Variants in PTK2 observed in about 807,000 individuals in gnomAD.
The protein encoded by PTK2 is focal adhesion kinase 1.
Under a neutral mutation model 150.1 loss-of-function variants are expected in PTK2, and 45 were observed. The observed-to-expected ratio is 0.30, with a 90% CI of 0.24 to 0.38. The LOEUF (loss-of-function observed/expected upper bound fraction) is 0.38. PTK2 is among the 10% of genes least tolerant of loss of function. The pLI is 1.00. For synonymous variants in PTK2, 432 were observed against 449.2 expected, an observed-to-expected ratio of 0.96 and a Z score of 0.48; for missense variants, 919 against 1,307.3, an observed-to-expected ratio of 0.70 and a Z score of 4.58.
chr8:140,955,972 T>A lies in PTK2; in HGVS notation c.-121-30223A>T, dbSNP rs374488135. ...GGGGGCTCTCTGGAAAAGGAGAGCA[T>A]CCTTAGACAGAAGTCACCCTGCCCA... On this transcript the variant is annotated intron_variant, in intron 1 of 31. Coordinates refer to ENST00000522684, the Ensembl canonical transcript of PTK2. 3.5e-4 allele frequency among the ~76,000 whole-genome samples: 53 copies of A among 152,234 alleles called. 3 individuals are homozygous for A. Among genetic ancestry groups the A allele is most frequent in the African/African-American group, 1.3e-3 (52 of 41,534 alleles).
intron 23 of PTK2, among the ~76,000 whole-genome samples, chr8:140,714,048 T>C (rs1036208090): frequency 1.3e-5 from 2 of 151,822 alleles, no homozygotes; most frequent in African/African-American, 2.4e-5. Flanking sequence ...GCCACTAAAT[T>C]TGGCTAATTT....
chr8:140,845,089 C>G (rs1352372023), intron 7 of PTK2, among the ~76,000 whole-genome samples: 1 of 152,200 alleles, frequency 6.6e-6, no homozygotes, highest in East Asian at 1.9e-4. Context: ...CCTCATCATT[C>G]TCACATGGAC....
intron 17 of PTK2, among the ~76,000 whole-genome samples, chr8:140,749,902 C>T (rs563348515): frequency 7.2e-5 from 11 of 152,230 alleles, no homozygotes; most frequent in African/African-American, 2.6e-4. Flanking sequence ...AATGACAATT[C>T]CAAAGTCCTA....
chr8:140,688,225 C>G (rs1209250961), intron 26 of PTK2, among the ~76,000 whole-genome samples: 1 of 152,152 alleles, frequency 6.6e-6, no homozygotes, highest in East Asian at 1.9e-4. Context: ...GTTCATTCAA[C>G]AGAATTACAA....
chr8:140,764,467 A>T, intron 14 of PTK2, 177 bp from the exon 17 acceptor site: 1 of 597,544 alleles, frequency 1.7e-6, no homozygotes, highest in Non-Finnish European at 3.0e-6. Context: ...TAAAAGTGAC[A>T]TCATTGTCCA....
At chr8:140,935,327 T>A (rs2100173224) in intron 1 of PTK2, among the ~76,000 whole-genome samples, 1 of 152,106 alleles carries the variant, frequency 6.6e-6, no homozygotes, top group Non-Finnish European at 1.5e-5. Flanking sequence ...GAATCAGGAT[T>A]ACAATTCACT....
intron 1 of PTK2, among the ~76,000 whole-genome samples, chr8:140,945,427 AT>A (rs1247342039): frequency 6.6e-6 from 1 of 152,130 alleles, no homozygotes; most frequent in South Asian, 2.1e-4. Context: ...TCCACAAAAA[AT>A]TTTAAAAATT....
chr8:140,664,216 T>G (rs11778357), intron 31 of PTK2, among the ~76,000 whole-genome samples: 248 of 152,302 alleles, frequency 1.6e-3, no homozygotes, highest in Non-Finnish European at 2.8e-3. Flanking sequence ...TCTCTTGACC[T>G]CGTGATCTGT....
chr8:140,764,358 A>G (rs755492925), intron 14 of PTK2, 68 bp from the exon 17 acceptor site: 1 of 1,168,774 alleles, frequency 8.6e-7, no homozygotes. Flanking sequence ...TCATATAATT[A>G]AAGTAGGCAA....
intron 16 of PTK2, among the ~76,000 whole-genome samples, chr8:140,757,220 T>C (rs1231234655): frequency 6.6e-6 from 1 of 152,130 alleles, no homozygotes; most frequent in Admixed American, 6.5e-5. Flanking sequence ...ATTCCAGTAA[T>C]GTAGTCACCT....
intron 22 of PTK2, among the ~76,000 whole-genome samples, chr8:140,724,348 CTG>C (rs1158124776): frequency 2.0e-5 from 3 of 152,172 alleles, no homozygotes; most frequent in African/African-American, 2.4e-5. Context: ...TAGGAAAGAA[CTG>C]TGTTTTTGTC....
In PTK2 at chr8:140,745,999, C is replaced by CAAAA. The variant is rs367643506; in HGVS notation, c.1518+757_1518+760dup. On this transcript the variant is annotated intron_variant, in intron 18 of 31. Coordinates refer to ENST00000522684, the Ensembl canonical transcript of PTK2. ...TGGGCGACAGAGCGAGACTCTGTCT[C>CAAAA]AAAAAAAAAAAAAAGAAAAAAGAAA... Among the ~76,000 whole-genome samples, 184 of 69,790 alleles carry CAAAA rather than the reference C, an allele frequency of 2.6e-3. 1 individual carries two copies. Among genetic ancestry groups the CAAAA allele is most frequent in the Middle Eastern group, 0.01 (1 of 100 alleles). The allele number at this position is 69,790 out of a possible 152,430, so 45.8% of individuals were successfully genotyped here. A position where few individuals can be genotyped will look rare whatever the true frequency, so the allele number is the denominator to read the frequency against.
At chr8:140,939,994 G>A (rs954209749) in intron 1 of PTK2, among the ~76,000 whole-genome samples, 1 of 152,166 alleles carries the variant, frequency 6.6e-6, no homozygotes, top group South Asian at 2.1e-4. Flanking sequence ...AGTAGAGCAC[G>A]GGGCCTGGCC....
chr8:140,889,493 T>G (rs936553972), intron 3 of PTK2, among the ~76,000 whole-genome samples: 1 of 152,152 alleles, frequency 6.6e-6, no homozygotes, highest in Non-Finnish European at 1.5e-5. Flanking sequence ...CCTCCCAAAG[T>G]GCTGGGATTA....
intron 23 of PTK2, among the ~76,000 whole-genome samples, chr8:140,716,177 C>T (rs2154254600): frequency 6.6e-6 from 1 of 152,250 alleles, no homozygotes; most frequent in South Asian, 2.1e-4. Context: ...GCTCAGTCAT[C>T]AGAATGTAAA....
chr8:140,752,515 A>G (rs563606414), intron 16 of PTK2, among the ~76,000 whole-genome samples, 199 bp from the exon 20 acceptor site: 4 of 152,254 alleles, frequency 2.6e-5, no homozygotes, highest in Non-Finnish European at 5.9e-5. Flanking sequence ...TGCACGTGAA[A>G]CATTACAGCA....
intron 26 of PTK2, among the ~76,000 whole-genome samples, chr8:140,698,452 A>G (rs1389908892): frequency 2.6e-5 from 4 of 152,108 alleles, no homozygotes; most frequent in African/African-American, 4.8e-5. Context: ...GTAAATAATA[A>G]CATATTTTTT....
chr8:140,835,286 C>A lies in PTK2; in HGVS notation c.594-4760G>T, dbSNP rs1445322835. Among the ~76,000 whole-genome samples, 3 of 152,184 alleles carry A rather than the reference C, an allele frequency of 2.0e-5. No individual in the cohort carries two copies. In the East Asian group the frequency reaches 5.8e-4, roughly 29 times the overall value. On this transcript the variant is annotated intron_variant, in intron 7 of 31. Coordinates refer to ENST00000522684, the Ensembl canonical transcript of PTK2. ...TTTTAAGTCAAGGATAAATTTATTTCTCTTCTGGCAATATTTCTGAGAAGA... is the reference window on the plus strand; with the variant it reads ...TTTTAAGTCAAGGATAAATTTATTTATCTTCTGGCAATATTTCTGAGAAGA...
intron 12 of PTK2, 107 bp downstream of exon 12, chr8:140,800,352 T>C: frequency 1.1e-6 from 1 of 886,706 alleles, no homozygotes; most frequent in Non-Finnish European, 1.9e-6. Context: ...ATTCATTTGG[T>C]CTTCATTTTT....
Sources: gnomAD v4.1 joint callset for allele counts (sites outside exome capture counted in the v4.1 genomes callset) on GRCh38, gnomAD v4.1.1 for gene constraint, MANE v1.5 for transcripts, NCBI Gene and HGNC (gene_info 2026-07-23, HGNC 2026-07-21) for gene names.